The following PRKG1 variants were observed in gnomAD, a reference collection of about 807,000 sequenced individuals.
PRKG1 encodes the protein protein kinase cGMP-dependent 1.
Under a neutral mutation model 88.1 loss-of-function variants are expected in PRKG1, and 35 were observed. The ratio of observed to expected loss-of-function variants is 0.40; its 90% CI spans 0.30 to 0.53. PRKG1 has a LOEUF of 0.53. PRKG1 is among the 20% of genes least tolerant of loss of function. The probability of loss-of-function intolerance (pLI) is 0.59; values close to 1 mark genes in which losing one functional copy is unlikely to be tolerated. For synonymous variants in PRKG1, 303 were observed against 292.5 expected (o/e 1.04, Z -0.37); for missense variants, 540 against 839.8 (o/e 0.64, Z 4.41).
chr10:51,768,561 GC>G (rs1838226935), intron 3 of PRKG1, among the ~76,000 whole-genome samples: 1 of 152,116 alleles, frequency 6.6e-6, no homozygotes, highest in African/African-American at 2.4e-5. Context: ...TAGCTGAGCT[GC>G]CATTTGTTCT....
chr10:51,730,759 A>T (rs747384393), intron 3 of PRKG1, among the ~76,000 whole-genome samples: 8 of 152,254 alleles, frequency 5.3e-5, no homozygotes, highest in Non-Finnish European at 1.0e-4. Context: ...ACTGCCTGGG[A>T]GGCAACATTT....
chr10:51,940,765 TTCTC>T (rs374314587), intron 5 of PRKG1, among the ~76,000 whole-genome samples: 1 of 151,974 alleles, frequency 6.6e-6, no homozygotes, highest in Non-Finnish European at 1.5e-5. Context: ...TTTCGTCTTC[TTCTC>T]TCTCTTTTTT....
chr10:51,796,875 C>T (rs891235364), intron 3 of PRKG1, among the ~76,000 whole-genome samples: 4 of 152,170 alleles, frequency 2.6e-5, no homozygotes, highest in Admixed American at 2.0e-4. Flanking sequence ...CAACTTCTTT[C>T]ATAAATACCC....
intron 2 of PRKG1, among the ~76,000 whole-genome samples, chr10:51,226,840 G>A (rs529337784): frequency 6.6e-6 from 1 of 152,240 alleles, no homozygotes; most frequent in Non-Finnish European, 1.5e-5. Context: ...TTTTGGCTCA[G>A]TAAAAGAAAT....
chr10:51,191,736 C>T (rs905435945), intron 2 of PRKG1, among the ~76,000 whole-genome samples: 12 of 151,694 alleles, frequency 7.9e-5, no homozygotes, highest in East Asian at 1.9e-4. Context: ...GACCAATCTA[C>T]GTAAGTATCA....
chr10:52,127,024 G>C (rs1847946160), intron 7 of PRKG1, among the ~76,000 whole-genome samples: 1 of 152,192 alleles, frequency 6.6e-6, no homozygotes, highest in Admixed American at 6.5e-5. Context: ...AAGGGGGAGA[G>C]AGTAGAGGCG....
At chr10:52,282,796 A>G (rs11001444) in intron 14 of PRKG1, among the ~76,000 whole-genome samples, 32,754 of 151,948 alleles carry the variant, frequency 0.22, 4,793 homozygotes, top group African/African-American at 0.39. Context: ...GTATAAAACA[A>G]ACTTTAAGAT....
At chr10:51,287,004 A>C (rs1840458014) in intron 2 of PRKG1, among the ~76,000 whole-genome samples, 1 of 152,078 alleles carries the variant, frequency 6.6e-6, no homozygotes. Flanking sequence ...CAGCCTCCCA[A>C]GTAGCTGTGT....
Position 51,058,387 on chromosome 10 carries a change from A to C in PRKG1, c.266+66743A>C, listed in dbSNP as rs1036237661. Among the ~76,000 whole-genome samples, 43 of 152,076 alleles carry C rather than the reference A, an allele frequency of 2.8e-4. 1 individual carries two copies. The highest frequency in any genetic ancestry group is 7.4e-5 in the Non-Finnish European group (5 of 67,978). Reference sequence around the variant, plus strand: ...AATGTTAAAAGCAGAATAGACTTAAATTTTTAGGTTTTAGCCTCACAGCAA... The same window carrying C: ...AATGTTAAAAGCAGAATAGACTTAACTTTTTAGGTTTTAGCCTCACAGCAA... On this transcript the variant is annotated intron_variant, in intron 1 of 17. Transcript: ENST00000401604.
chr10:51,137,531 A>G (rs1280310924), intron 1 of PRKG1, among the ~76,000 whole-genome samples: 1 of 152,186 alleles, frequency 6.6e-6, no homozygotes, highest in African/African-American at 2.4e-5. Flanking sequence ...AGAAGGTTCT[A>G]TACAGCAACT....
At chr10:51,912,496 T>C (rs1009409392) in intron 5 of PRKG1, among the ~76,000 whole-genome samples, 7 of 152,198 alleles carry the variant, frequency 4.6e-5, no homozygotes, top group African/African-American at 1.7e-4. Context: ...TGTGGACTTA[T>C]TTCTTATTGA....
chr10:51,210,915 A>G (rs1219500465), intron 2 of PRKG1, among the ~76,000 whole-genome samples: 1 of 152,194 alleles, frequency 6.6e-6, no homozygotes, highest in Non-Finnish European at 1.5e-5. Flanking sequence ...TTCCTTCTGA[A>G]ACTATTCTAA....
At chr10:51,431,192 A>G (rs1050192780) in intron 2 of PRKG1, among the ~76,000 whole-genome samples, 11 of 152,204 alleles carry the variant, frequency 7.2e-5, no homozygotes, top group Admixed American at 4.6e-4. Context: ...AAGTGTATCA[A>G]TGGCTATACC....
intron 2 of PRKG1, among the ~76,000 whole-genome samples, chr10:51,457,181 G>A (rs1839608192): frequency 6.6e-6 from 1 of 152,162 alleles, no homozygotes; most frequent in Admixed American, 6.5e-5. Flanking sequence ...CAGCCTAAAT[G>A]TCCATCAATC....
chr10:51,944,537 T>C (rs932802706), intron 5 of PRKG1, among the ~76,000 whole-genome samples: 2 of 152,086 alleles, frequency 1.3e-5, no homozygotes, highest in African/African-American at 4.8e-5. Flanking sequence ...GTTCTTTTAA[T>C]TATAATGTTA....
intron 3 of PRKG1, among the ~76,000 whole-genome samples, chr10:51,710,886 T>TG (rs1841729779): frequency 6.6e-6 from 1 of 152,070 alleles, no homozygotes; most frequent in Non-Finnish European, 1.5e-5. Context: ...TTAATAGAGA[T>TG]GGGGGTCTCC....
chr10:51,983,844 T>G (rs896564632), intron 5 of PRKG1, among the ~76,000 whole-genome samples: 7 of 152,202 alleles, frequency 4.6e-5, no homozygotes, highest in Admixed American at 4.6e-4. Flanking sequence ...TCCCCAGAGT[T>G]GTTGGGGGTC....
At chr10:51,110,483 T>C (rs2131895904) in intron 1 of PRKG1, among the ~76,000 whole-genome samples, 1 of 152,002 alleles carries the variant, frequency 6.6e-6, no homozygotes, top group South Asian at 2.1e-4. Flanking sequence ...TTCTAGAAAA[T>C]GCAGACTAAT....
chr10:51,271,328 A>G (rs1395917209), intron 2 of PRKG1, among the ~76,000 whole-genome samples: 1 of 151,732 alleles, frequency 6.6e-6, no homozygotes, highest in Admixed American at 6.6e-5. Context: ...AAAAGTGTTT[A>G]GTTCCATCTG....
Sources: gnomAD v4.1 joint callset for allele counts (sites outside exome capture counted in the v4.1 genomes callset) on GRCh38, gnomAD v4.1.1 for gene constraint, MANE v1.5 for transcripts, NCBI Gene and HGNC (gene_info 2026-07-23, HGNC 2026-07-21) for gene names.